The following NCOR2 variants were observed in gnomAD, a reference collection of about 807,000 sequenced individuals.
The protein encoded by NCOR2 is CTG repeat protein 26.
Under a neutral mutation model 262.9 loss-of-function variants are expected in NCOR2, and 81 were observed. The ratio of observed to expected loss-of-function variants is 0.31; its 90% CI spans 0.26 to 0.37. The LOEUF (loss-of-function observed/expected upper bound fraction) is 0.37. Among genes scored for constraint, NCOR2 ranks in the 10% least tolerant of loss-of-function variants. The pLI is 1.00. For synonymous variants in NCOR2, 1,659 were observed against 1,559.3 expected (o/e 1.06, Z -1.51); for missense variants, 3,385 against 3,621.4 (o/e 0.93, Z 1.68).
chr12:124,418,245 G>A (rs988639161), intron 13 of NCOR2, among the ~76,000 whole-genome samples: 3 of 152,086 alleles, frequency 2.0e-5, no homozygotes, highest in Non-Finnish European at 2.9e-5. Context: ...ACCCTTCCAC[G>A]ATCCCTGCGG....
intron 7 of NCOR2, among the ~76,000 whole-genome samples, chr12:124,438,560 G>GA (rs1421742719): frequency 6.7e-6 from 1 of 149,842 alleles, no homozygotes; most frequent in Non-Finnish European, 1.5e-5. Context: ...ACCCCCGGGC[G>GA]GGGGCGGTCT....
chr12:124,388,700 T>C, intron 16 of NCOR2: 1 of 1,304,252 alleles, frequency 7.7e-7, no homozygotes, highest in Non-Finnish European at 1.0e-6. Flanking sequence ...CTCATTCGCG[T>C]CTCCCCCTCG....
chr12:124,383,052 GAATC>G (rs199733047), intron 17 of NCOR2, among the ~76,000 whole-genome samples: 2 of 152,140 alleles, frequency 1.3e-5, no homozygotes, highest in African/African-American at 2.4e-5. Context: ...ATGAATGAAT[GAATC>G]AATCAATCGT....
chr12:124,362,132 TGTC>T (rs2038640969), exon 22 of NCOR2: 1 of 1,300,406 alleles, frequency 7.7e-7, no homozygotes. Flanking sequence ...TCACCCTCCT[TGTC>T]GGCGGGGGGT....
intron 13 of NCOR2, among the ~76,000 whole-genome samples, chr12:124,405,484 G>T (rs2042226101): frequency 1.3e-5 from 2 of 152,248 alleles, no homozygotes; most frequent in Admixed American, 1.3e-4. Context: ...ACTTCCTGTG[G>T]CCTCAACATC....
chr12:124,529,561 T>C (rs2050677024), intron 1 of NCOR2, among the ~76,000 whole-genome samples: 2 of 152,244 alleles, frequency 1.3e-5, no homozygotes. Flanking sequence ...GGCACTGCAC[T>C]GTGGTCTCAA....
intron 11 of NCOR2, among the ~76,000 whole-genome samples, chr12:124,424,907 T>C (rs1374108177): frequency 6.6e-6 from 1 of 152,102 alleles, no homozygotes; most frequent in Non-Finnish European, 1.5e-5. Context: ...AGTTTCCCAC[T>C]CTCCTGCCTC....
At chr12:124,473,070 G>C in exon 4 of NCOR2, 1 of 1,614,110 alleles carries the variant, frequency 6.2e-7, no homozygotes, top group Non-Finnish European at 8.5e-7. Flanking sequence ...CTCCAGCTCA[G>C]GGTCAGTGTG....
intron 1 of NCOR2, among the ~76,000 whole-genome samples, chr12:124,488,820 A>G (rs1169254689): frequency 6.6e-6 from 1 of 152,180 alleles, no homozygotes; most frequent in African/African-American, 2.4e-5. Flanking sequence ...CCCTGGGAAG[A>G]GGGCCTCGGC....
chr12:124,370,460 C>T (rs1216047965), intron 20 of NCOR2, among the ~76,000 whole-genome samples: 2 of 152,202 alleles, frequency 1.3e-5, no homozygotes, highest in Non-Finnish European at 2.9e-5. Flanking sequence ...CATGACCCTG[C>T]GGGTCTGATT....
chr12:124,499,793 G>A (rs565450698), upstream of NCOR2, among the ~76,000 whole-genome samples: 1 of 152,180 alleles, frequency 6.6e-6, no homozygotes, highest in Non-Finnish European at 1.5e-5. Context: ...TGGTTGCGGG[G>A]GAGAGTAAAG....
rs566700393 is a variant in NCOR2, at chr12:124,422,735, G to A, written c.1329-180C>T. Among the ~76,000 whole-genome samples the A allele has an allele frequency of 2.6e-5, 4 of 152,312 alleles. No individual in the cohort carries two copies. In the East Asian group the frequency reaches 7.7e-4, roughly 29 times the overall value. On this transcript the variant is annotated intron_variant, in intron 11 of 46. Transcript: ENST00000405201. ...CTGCTGCGGCAGACGGGAGGGGTGG[G>A]GACCCAGGGGTAAGAGAGGGCGTTC...
chr12:124,494,291 C>G (rs556863889), intron 1 of NCOR2, among the ~76,000 whole-genome samples: 3 of 152,238 alleles, frequency 2.0e-5, no homozygotes, highest in Non-Finnish European at 4.4e-5. Flanking sequence ...GCTGTGACCT[C>G]CAGGCCTCAC....
intron 13 of NCOR2, among the ~76,000 whole-genome samples, chr12:124,418,860 C>T (rs894718107): frequency 1.1e-4 from 17 of 152,330 alleles, no homozygotes; most frequent in African/African-American, 3.8e-4. Flanking sequence ...GGATGCCAGG[C>T]ACGTAGTGCT....
intron 1 of NCOR2, among the ~76,000 whole-genome samples, chr12:124,564,301 T>C (rs1358336827): frequency 3.9e-5 from 6 of 152,268 alleles, no homozygotes; most frequent in African/African-American, 7.2e-5. Context: ...ACCCTTGGCC[T>C]GGGCCTAAAA....
At chr12:124,408,009 G>C (rs944127559) in intron 13 of NCOR2, among the ~76,000 whole-genome samples, 3 of 152,248 alleles carry the variant, frequency 2.0e-5, no homozygotes, top group Non-Finnish European at 4.4e-5. Flanking sequence ...TGGGGAAAAT[G>C]CAGTCAGGGG....
chr12:124,336,409 C>CAAA, intron 38 of NCOR2: 3 of 203,186 alleles, frequency 1.5e-5, no homozygotes, highest in East Asian at 1.4e-4. Flanking sequence ...AGCAAAAATC[C>CAAA]AAAAAAAAAA....
In NCOR2 at chr12:124,357,032, G is replaced by A. The variant is rs914204942; in HGVS notation, c.3101-250C>T. ...GGGGCTCTCAGCTGCCGCTGAGGAC[G>A]AGAACGGGACCCTCTGGCTTTGCAA... On this transcript the variant is annotated intron_variant, in intron 22 of 46. Coordinates refer to ENST00000405201, the Ensembl canonical transcript of NCOR2. 3.3e-5 allele frequency among the ~76,000 whole-genome samples: 5 copies of A among 152,362 alleles called. No homozygotes were observed. In the East Asian group the frequency reaches 5.8e-4, roughly 18 times the overall value.
intron 1 of NCOR2, among the ~76,000 whole-genome samples, chr12:124,502,256 C>T (rs889475350): frequency 6.6e-6 from 1 of 152,208 alleles, no homozygotes; most frequent in African/African-American, 2.4e-5. Flanking sequence ...GGCCTGGTGG[C>T]TCACTCTGTC....
Sources: allele counts gnomAD v4.1 joint callset (sites outside exome capture counted in the v4.1 genomes callset), GRCh38; gene constraint gnomAD v4.1.1; transcripts MANE v1.5; gene names NCBI Gene and HGNC (gene_info 2026-07-23, HGNC 2026-07-21).